The following PCDHGA8 variants were observed in gnomAD, a reference collection of about 807,000 sequenced individuals.
PCDHGA8 encodes protocadherin gamma-A8.
Under a neutral mutation model 59.2 loss-of-function variants are expected in PCDHGA8, and 45 were observed. The ratio of observed to expected loss-of-function variants is 0.76; its 90% CI spans 0.60 to 0.98. The LOEUF (loss-of-function observed/expected upper bound fraction) is 0.98, where lower values mean the gene tolerates loss of function less well. Among genes scored for constraint, PCDHGA8 ranks in the 50% least tolerant of loss-of-function variants. PCDHGA8 has a pLI of 0.00. For synonymous variants in PCDHGA8, 531 were observed against 519.0 expected (o/e 1.02, Z -0.32); for missense variants, 1,257 against 1,196.2 (o/e 1.05, Z -0.75).
intron 1 of PCDHGA8, among the ~76,000 whole-genome samples, chr5:141,438,771 C>T (rs1056879944): frequency 1.3e-5 from 2 of 149,126 alleles, no homozygotes; most frequent in Non-Finnish European, 3.0e-5. Flanking sequence ...AAGCGATTCT[C>T]CTGCCTCAGC....
At position 141,491,597 on chromosome 5, in the gene PCDHGA8, A is replaced by T. The variant is rs1389838814; in HGVS notation, c.2425-3210A>T. Reference sequence around the variant, plus strand: ...TTTTCACCGGCCTCGGACGGCAGTGACTTCACTTTTCTAAGACCCCTCAGC... The same window carrying T: ...TTTTCACCGGCCTCGGACGGCAGTGTCTTCACTTTTCTAAGACCCCTCAGC... On this transcript the variant is annotated intron_variant, in intron 1 of 3. Coordinates refer to ENST00000398604, the MANE Select transcript of PCDHGA8 (RefSeq NM_032088.2). This position sits in a 1 kb window ranked among gnomAD's most constrained non-coding sequence, Gnocchi z 6.9. 1.2e-6 allele frequency: 2 copies of T among 1,613,788 alleles called. No individual in the cohort carries two copies. The highest frequency in any genetic ancestry group is 1.7e-6 in the Non-Finnish European group (2 of 1,180,012).
In PCDHGA8 at chr5:141,486,042, G is replaced by A; in HGVS notation, c.2425-8765G>A. The A allele has an allele frequency of 6.2e-7, 1 of 1,614,180 alleles. No individual in the cohort carries two copies. The highest frequency in any genetic ancestry group is 8.5e-7 in the Non-Finnish European group (1 of 1,180,030). On this transcript the variant is annotated intron_variant, in intron 1 of 3. Coordinates refer to ENST00000398604, the MANE Select transcript of PCDHGA8 (RefSeq NM_032088.2). This position sits in a 1 kb window ranked among gnomAD's most constrained non-coding sequence, Gnocchi z 5.0. The stretch of plus-strand genomic sequence containing the variant: ...AGTGGTCATACCCCTGATCGTGTAA[G>A]AAACCTCTTTAGCCTGCACCCCACT...
At chr5:141,482,345 T>G (rs192115752) in intron 1 of PCDHGA8, among the ~76,000 whole-genome samples, 8 of 152,122 alleles carry the variant, frequency 5.3e-5, no homozygotes, top group Admixed American at 5.2e-4. Context: ...CTTTGCAAAC[T>G]TGTTGTGAGA....
In PCDHGA8 at chr5:141,475,307, T is replaced by C. The variant is rs527879991; in HGVS notation, c.2425-19500T>C. The stretch of plus-strand genomic sequence containing the variant: ...GGTAGGGAAATTTCTTATTGCTCCC[T>C]GGTTCTTAAGAAATGAGAGCTAACA... On this transcript the variant is annotated intron_variant, in intron 1 of 3. Transcript: ENST00000398604. 2.8e-4 allele frequency among the ~76,000 whole-genome samples: 43 copies of C among 152,348 alleles called. 1 individual carries two copies. Among genetic ancestry groups the C allele is most frequent in the Admixed American group, 8.5e-4 (13 of 15,298 alleles).
intron 1 of PCDHGA8, chr5:141,399,986 G>A (rs1400468651): frequency 6.2e-7 from 1 of 1,612,408 alleles, no homozygotes; most frequent in East Asian, 2.2e-5. Context: ...CTGCGCACAG[G>A]AGAGGTGCGC....
intron 1 of PCDHGA8, chr5:141,408,907 C>T: frequency 6.2e-7 from 1 of 1,613,244 alleles, no homozygotes; most frequent in East Asian, 2.2e-5. Context: ...TCAAGGATAC[C>T]AATGATAACC....
rs532631149 is a variant in PCDHGA8, at chr5:141,506,489, C to A, written c.2572+1008C>A. On this transcript the variant is annotated intron_variant, in intron 3 of 3. Transcript: ENST00000398604. ...AAGAGCACAGGCTTTAGAGGCAGGC[C>A]AATCTGGATTCAAATCCTGGCACCT... 1.9e-4 allele frequency among the ~76,000 whole-genome samples: 29 copies of A among 150,750 alleles called. 1 individual carries two copies. In the South Asian group the frequency reaches 5.9e-3, roughly 31 times the overall value.
At chr5:141,413,528 T>C in intron 1 of PCDHGA8, 1 of 1,613,834 alleles carries the variant, frequency 6.2e-7, no homozygotes, top group Non-Finnish European at 8.5e-7. Context: ...GAAGACAGGG[T>C]GAAACTTTTT....
rs763433178 is a variant in PCDHGA8, at chr5:141,409,635, A to G, written c.2424+14398A>G. On this transcript the variant is annotated intron_variant, in intron 1 of 3. Transcript: ENST00000398604. ...TCCATTGCGCAAGTGAGCGCCTCTG[A>G]CCCGGATTTGGGGCTCAATGGCCAC... 3 of 1,613,784 alleles carry G rather than the reference A, an allele frequency of 1.9e-6. No individual in the cohort carries two copies. The South Asian group carries it at 3.3e-5, about 18-fold the overall frequency.
rs762926348 is a variant in PCDHGA8, at chr5:141,408,364, A to C, written c.2424+13127A>C. ...TGGTGGGGAACCTCGCTAAGGATCTAGGGCTCAGTGTCCTGGATGTGTCGG... is the reference window on the plus strand; with the variant it reads ...TGGTGGGGAACCTCGCTAAGGATCTCGGGCTCAGTGTCCTGGATGTGTCGG... On this transcript the variant is annotated intron_variant, in intron 1 of 3. Transcript: ENST00000398604. 3.7e-6 allele frequency: 6 copies of C among 1,613,960 alleles called. No individual in the cohort carries two copies. In the East Asian group the frequency reaches 1.3e-4, roughly 36 times the overall value.
At position 141,487,510 on chromosome 5, in the gene PCDHGA8, C is replaced by A; in HGVS notation, c.2425-7297C>A. On this transcript the variant is annotated intron_variant, in intron 1 of 3. Transcript: ENST00000398604. The surrounding 1 kb of genome is among the most constrained non-coding windows in gnomAD (Gnocchi z 5.0). ...GCTGTACACCCTTGGCTTCTGCACC[C>A]ACTCGGAGTGATAGCTTCATGATGG... is the stretch of plus-strand genomic sequence containing the variant. The A allele has an allele frequency of 6.2e-7, 1 of 1,614,210 alleles. No homozygotes were observed. Among genetic ancestry groups the A allele is most frequent in the Non-Finnish European group, 8.5e-7 (1 of 1,180,042 alleles).
rs200724467 is a variant in PCDHGA8 at position 141,399,395 on chromosome 5, G to A, written c.2424+4158G>A. 5,303 of 1,613,964 alleles carry A rather than the reference G, an allele frequency of 3.3e-3. 153 individuals carry two copies. In the South Asian group the frequency reaches 0.047, roughly 14 times the overall value. ...AATGTCACCATCACAGCCACAGACA[G>A]GGGCAAGCCGCCCCTCTCCTCCAGC... On this transcript the variant is annotated intron_variant, in intron 1 of 3. Coordinates refer to ENST00000398604, the MANE Select transcript of PCDHGA8 (RefSeq NM_032088.2).
chr5:141,420,018 G>T, intron 1 of PCDHGA8: 2 of 1,614,066 alleles, frequency 1.2e-6, no homozygotes, highest in African/African-American at 2.7e-5. Flanking sequence ...CAGTCTTTCA[G>T]CCCTACTGCA....
At position 141,510,984 on chromosome 5, in the gene PCDHGA8, C is replaced by A. The variant is rs375865663; in HGVS notation, c.2610C>A (p.Ala870=). 6.2e-7 allele frequency: 1 copy of A among 1,614,162 alleles called. No individual in the cohort carries two copies. The highest frequency in any genetic ancestry group is 8.5e-7 in the Non-Finnish European group (1 of 1,180,012). The part of the protein sequence containing the change: ...ADGSSTLGGG[A]GTMGLSARYG... The stretch of plus-strand genomic sequence containing the variant: ...GGAGCTCCACCCTGGGAGGGGGTGC[C>A]GGCACCATGGGATTGAGCGCCCGCT... Residue 870 remains alanine, a synonymous_variant, in exon 4 of 4, where the codon GCC becomes GCA. Coordinates refer to ENST00000398604, the MANE Select transcript of PCDHGA8 (RefSeq NM_032088.2).
At chr5:141,438,960 C>A (rs1398478011) in intron 1 of PCDHGA8, among the ~76,000 whole-genome samples, 1 of 151,940 alleles carries the variant, frequency 6.6e-6, no homozygotes, top group Non-Finnish European at 1.5e-5. Flanking sequence ...GCCACCGCAC[C>A]CTGCCAACTG....
Position 141,395,219 on chromosome 5 carries a change from T to G in PCDHGA8, c.2406T>G (p.Asn802Lys), listed in dbSNP as rs1303078300. The change falls in exon 1 of 4, where the codon AAT becomes AAG. Residue 802 changes from asparagine (N) to lysine (K), a missense_variant. By Grantham distance (94) the Asn-to-Lys change is moderately conservative (BLOSUM62 0). Coordinates refer to ENST00000398604, the MANE Select transcript of PCDHGA8 (RefSeq NM_032088.2). Reference sequence around the variant, plus strand: ...CCGTAGATTTTCATGAATATAAGAATGAAGCTGATCATGGTCAGGTGAGTT... The same window carrying G: ...CCGTAGATTTTCATGAATATAAGAAGGAAGCTGATCATGGTCAGGTGAGTT... ...LTSVDFHEYK[N>K]EADHGQQAPP... is the part of the protein sequence containing the mutation. 3.7e-6 allele frequency: 6 copies of G among 1,611,924 alleles called. No individual in the cohort carries two copies. In the African/African-American group the frequency reaches 4.0e-5, roughly 11 times the overall value.
rs1259098111 is a variant in PCDHGA8 at position 141,489,418 on chromosome 5, T to C, written c.2425-5389T>C. On this transcript the variant is annotated intron_variant, in intron 1 of 3. Coordinates refer to ENST00000398604, the MANE Select transcript of PCDHGA8 (RefSeq NM_032088.2). This position sits in a 1 kb window ranked among gnomAD's most constrained non-coding sequence, Gnocchi z 4.5. ...TCTGGGCTTAAAGATGACAGATCTGTTGAGCCGGCGGCTGCAATTGGGCTC... is the reference window on the plus strand; with the variant it reads ...TCTGGGCTTAAAGATGACAGATCTGCTGAGCCGGCGGCTGCAATTGGGCTC... The C allele has an allele frequency of 1.2e-6, 2 of 1,614,174 alleles. No individual in the cohort carries two copies. The highest frequency in any genetic ancestry group is 8.5e-7 in the Non-Finnish European group (1 of 1,180,032).
rs1375469711 is a variant in PCDHGA8, at chr5:141,512,102, C to A, written c.*929C>A. On this transcript the variant is annotated 3_prime_UTR_variant, in exon 4 of 4. Coordinates refer to ENST00000398604, the MANE Select transcript of PCDHGA8 (RefSeq NM_032088.2). ...GCCATAAACCAATAACTAGGCTGGA[C>A]CCTTCCCACTACATAATAGGGCTCA... The A allele has an allele frequency of 6.5e-6, 1 of 152,688 alleles. No individual in the cohort carries two copies. Among genetic ancestry groups the A allele is most frequent in the Non-Finnish European group, 1.5e-5 (1 of 68,070 alleles). The allele number at this position is 152,688 out of a possible 1,614,324, so 9.5% of individuals were successfully genotyped here. A position where few individuals can be genotyped will look rare whatever the true frequency, so the allele number is the denominator to read the frequency against.
rs1001912556 is a variant in PCDHGA8, at chr5:141,493,404, CTCTGCTGGGATTTTGCT to C, written c.2425-1391_2425-1375del. Among the ~76,000 whole-genome samples, 10 of 152,266 alleles carry C rather than the reference CTCTGCTGGGATTTTGCT, an allele frequency of 6.6e-5. No individual in the cohort carries two copies. Among genetic ancestry groups the C allele is most frequent in the Admixed American group, 6.5e-4 (10 of 15,298 alleles). On this transcript the variant is annotated intron_variant, in intron 1 of 3. Coordinates refer to ENST00000398604, the MANE Select transcript of PCDHGA8 (RefSeq NM_032088.2). The surrounding 1 kb of genome is among the most constrained non-coding windows in gnomAD (Gnocchi z 4.3). ...CTTGAGGACAGGAGAGGGGAGTTGCCTCTGCTGGGATTTTGCTTCTGCTGGGATGGGGCAAGGGTGGG... is the reference window on the plus strand; with the variant it reads ...CTTGAGGACAGGAGAGGGGAGTTGCCTCTGCTGGGATGGGGCAAGGGTGGG...
Sources: allele counts gnomAD v4.1 joint callset (sites outside exome capture counted in the v4.1 genomes callset), GRCh38; gene constraint gnomAD v4.1.1; non-coding constraint Gnocchi (gnomAD v3.1); transcripts MANE v1.5; gene names NCBI Gene and HGNC (gene_info 2026-07-23, HGNC 2026-07-21).